The following GATM variants were observed in gnomAD, a reference collection of about 807,000 sequenced individuals.
The protein encoded by GATM is glycine amidinotransferase.
A neutral mutation model predicts 54.2 loss-of-function variants in GATM; 23 were observed. The observed-to-expected ratio is 0.42, with a 90% CI of 0.31 to 0.60. The LOEUF (loss-of-function observed/expected upper bound fraction) is 0.60, where lower values mean the gene tolerates loss of function less well. Ranked by LOEUF, GATM falls within the 20% of genes least tolerant of loss-of-function variation. The probability of loss-of-function intolerance (pLI) is 0.14; values close to 1 mark genes in which losing one functional copy is unlikely to be tolerated. For synonymous variants in GATM, 168 were observed against 183.1 expected, an observed-to-expected ratio of 0.92 and a Z score of 0.67; for missense variants, 401 against 544.9, an observed-to-expected ratio of 0.74 and a Z score of 2.63.
chr15:45,369,723 A>G, intron 2 of GATM: 1 of 586,158 alleles, frequency 1.7e-6, no homozygotes, highest in Non-Finnish European at 3.0e-6. Context: ...ACTCTAAAAC[A>G]TCTTGATATT....
In GATM at chr15:45,368,636, T is replaced by C. The variant is rs2140645571; in HGVS notation, c.485-376A>G. Among the ~76,000 whole-genome samples the C allele has an allele frequency of 6.6e-6, 1 of 151,746 alleles. No homozygotes were observed. The highest frequency in any genetic ancestry group is 1.5e-5 in the Non-Finnish European group (1 of 67,942). On this transcript the variant is annotated intron_variant, in intron 3 of 8. Coordinates refer to ENST00000396659, the MANE Select transcript of GATM (RefSeq NM_001482.3). This position sits in a 1 kb window ranked among gnomAD's most constrained non-coding sequence, Gnocchi z 5.1. The stretch of plus-strand genomic sequence containing the variant: ...CAAACAAACAAACAAAAAATGTCTA[T>C]ATAATATTACCTCTTTTTTTGGTTA...
chr15:45,368,181 T>G lies in GATM; in HGVS notation c.564A>C (p.Ser188=). 1 of 1,614,090 alleles carries G rather than the reference T, an allele frequency of 6.2e-7. No individual in the cohort carries two copies. The highest frequency in any genetic ancestry group is 1.7e-4 in the Middle Eastern group (1 of 6,038). The change falls in exon 4 of 9, where the codon TCA becomes TCC. Residue 188 remains serine (S), a synonymous_variant. Transcript: ENST00000396659. This position sits in a 1 kb window ranked among gnomAD's most constrained non-coding sequence, Gnocchi z 5.1. Reference sequence around the variant, plus strand: ...TGTACGCTCGGTACTCAAAGAAGCGTGAACGCCATGCCATGGGAGCCTCGA... The same window carrying G: ...TGTACGCTCGGTACTCAAAGAAGCGGGAACGCCATGCCATGGGAGCCTCGA... The part of the protein sequence containing the change: ...EIIEAPMAWR[S]RFFEYRAYRS...
chr15:45,369,177 C>A, intron 3 of GATM, 149 bp downstream of exon 3: 3 of 661,152 alleles, frequency 4.5e-6, no homozygotes, highest in Admixed American at 2.6e-5. Flanking sequence ...TCAACATGGA[C>A]CAAACCATTC....
upstream of GATM, chr15:45,379,554 T>C (rs1481904497): frequency 1.3e-5 from 2 of 152,160 alleles, no homozygotes; most frequent in South Asian, 2.1e-4. Context: ...GAATCACTTA[T>C]AGACTACTAT....
In GATM at chr15:45,378,379, A is replaced by G. The variant is rs1298480930; in HGVS notation, c.69+6T>C. On this transcript the variant is annotated splice_donor_region_variant and intron_variant, in intron 1 of 8. Coordinates refer to ENST00000396659, the MANE Select transcript of GATM (RefSeq NM_001482.3). The stretch of plus-strand genomic sequence containing the variant: ...GGCCGCCAGACGAGGCCGGTGGCGC[A>G]CGCACCCGAGATCCGATGTAGTGCA... 6.6e-7 allele frequency: 1 copy of G among 1,517,870 alleles called. No individual in the cohort carries two copies. Among genetic ancestry groups the G allele is most frequent in the Admixed American group, 2.0e-5 (1 of 49,494 alleles). 94.0% of individuals were successfully genotyped at this position (1,517,870 alleles called of 1,614,324 possible). A position where few individuals can be genotyped will look rare whatever the true frequency, so the allele number is the denominator to read the frequency against.
intron 2 of GATM, among the ~76,000 whole-genome samples, chr15:45,373,929 A>T (rs1889586144): frequency 6.6e-6 from 1 of 152,232 alleles, no homozygotes; most frequent in Admixed American, 6.5e-5. Flanking sequence ...GAATGAAATC[A>T]ATACTGCTAA....
intron 2 of GATM, among the ~76,000 whole-genome samples, chr15:45,370,624 GA>G (rs879338242): frequency 7.2e-5 from 11 of 151,790 alleles, no homozygotes; most frequent in Non-Finnish European, 1.5e-4. Flanking sequence ...TTTAATAACT[GA>G]AAAAAAATTT....
chr15:45,363,953 C>T lies in GATM; in HGVS notation c.1106G>A (p.Arg369His), dbSNP rs747557239. 39 of 1,613,586 alleles carry T rather than the reference C, an allele frequency of 2.4e-5. No homozygotes were observed. The highest frequency in any genetic ancestry group is 4.0e-5 in the African/African-American group (3 of 74,910). The stretch of plus-strand genomic sequence containing the variant: ...AACTTCATTGGCATCCACCATAACA[C>T]GTTTTTCATCTAGCATTAAGACATT... ...SMNVLMLDEKRVMVDANEVPI... is the reference protein window; with the variant it reads ...SMNVLMLDEKHVMVDANEVPI... The change falls in exon 8 of 9, where the codon CGT becomes CAT. Residue 369 changes from arginine (R) to histidine (H), a missense_variant. Around this residue, in one of 3 missense-constraint regions of GATM, gnomAD observed 321 missense variants for 457.5 expected, o/e 0.70. Transcript: ENST00000396659.
At chr15:45,364,759 A>G (rs762023851) in intron 7 of GATM, 38 bp downstream of exon 7, 1 of 1,561,094 alleles carries the variant, frequency 6.4e-7, no homozygotes, top group Non-Finnish European at 8.8e-7. Flanking sequence ...TCACTAAAGT[A>G]ATTATTTTAG....
At chr15:45,363,645 T>C (rs186609479) in intron 8 of GATM, 1 of 551,570 alleles carries the variant, frequency 1.8e-6, no homozygotes, top group East Asian at 3.0e-5. Flanking sequence ...ACCAAAACGT[T>C]GGCTAAGTCA....
In GATM at chr15:45,378,508, G is replaced by A. The variant is rs1010328318; in HGVS notation, c.-55C>T. 3.9e-6 allele frequency: 5 copies of A among 1,295,462 alleles called. No homozygotes were observed. Among genetic ancestry groups the A allele is most frequent in the African/African-American group, 3.1e-5 (2 of 64,116 alleles). 80.2% of individuals were successfully genotyped at this position (1,295,462 alleles called of 1,614,324 possible). On this transcript the variant is annotated 5_prime_UTR_variant, in exon 1 of 9. Coordinates refer to ENST00000396659, the MANE Select transcript of GATM (RefSeq NM_001482.3). Reference sequence around the variant, plus strand: ...ATGTTCCTGGCCTCTGGGCCGCGTCGGTCCAAGCCTTCCCGAGAGCGCGCC... The same window carrying A: ...ATGTTCCTGGCCTCTGGGCCGCGTCAGTCCAAGCCTTCCCGAGAGCGCGCC...
chr15:45,392,627 C>T (rs1236310866), intron 3 of GATM, among the ~76,000 whole-genome samples: 3 of 152,164 alleles, frequency 2.0e-5, no homozygotes, highest in Non-Finnish European at 4.4e-5. Context: ...TTATGTATCA[C>T]CAGGGATGTA....
intron 6 of GATM, among the ~76,000 whole-genome samples, chr15:45,365,350 C>A (rs530254571): frequency 6.6e-6 from 1 of 152,292 alleles, no homozygotes; most frequent in East Asian, 1.9e-4. Flanking sequence ...ACTTAGCCGT[C>A]CCTGTGTTCA....
In GATM at chr15:45,376,830, C is replaced by A; in HGVS notation, c.70-11G>T. 6.2e-7 allele frequency: 1 copy of A among 1,609,280 alleles called. No homozygotes were observed. The highest frequency in any genetic ancestry group is 8.5e-7 in the Non-Finnish European group (1 of 1,177,364). On this transcript the variant is annotated splice_polypyrimidine_tract_variant and intron_variant, in intron 1 of 8. Transcript: ENST00000396659. ...CAAGGTTCGTCCAAGCTTCCAAGAA[C>A]AAAGAAAAGATTATTGTATTGCATT...
At chr15:45,396,219 G>A (rs1464050122) in intron 3 of GATM, 2 of 152,038 alleles carry the variant, frequency 1.3e-5, no homozygotes, top group East Asian at 3.9e-4. Context: ...CTTGTTCCTG[G>A]AGCCTGGTCT....
chr15:45,372,105 A>T (rs1286130430), intron 2 of GATM, among the ~76,000 whole-genome samples: 6 of 152,242 alleles, frequency 3.9e-5, no homozygotes, highest in Non-Finnish European at 1.5e-5. Flanking sequence ...AAAAAGGTCC[A>T]TAGGCAAATT....
At chr15:45,377,353 A>AT (rs1889656703) in intron 1 of GATM, 1 of 423,160 alleles carries the variant, frequency 2.4e-6, no homozygotes, top group Admixed American at 3.0e-5. Context: ...TTCAAATCAA[A>AT]TTTTTTTCAT....
chr15:45,361,763 C>T lies in GATM; in HGVS notation c.*346G>A, dbSNP rs1889368401. 1 of 492,096 alleles carries T rather than the reference C, an allele frequency of 2.0e-6. No individual in the cohort carries two copies. Among genetic ancestry groups the T allele is most frequent in the East Asian group, 3.1e-5 (1 of 32,482 alleles). The allele number at this position is 492,096 out of a possible 1,614,324, so 30.5% of individuals were successfully genotyped here. On this transcript the variant is annotated 3_prime_UTR_variant, in exon 9 of 9. Transcript: ENST00000396659. ...GAAAAAAAATTAAGATTAGGACCAACATTTCAAGCTGCCTTTTGGAAAGAA... is the reference window on the plus strand; with the variant it reads ...GAAAAAAAATTAAGATTAGGACCAATATTTCAAGCTGCCTTTTGGAAAGAA...
chr15:45,398,485 C>G (rs1365547890), intron 2 of GATM, among the ~76,000 whole-genome samples: 2 of 152,118 alleles, frequency 1.3e-5, no homozygotes. Flanking sequence ...TAGAATTACT[C>G]TAAAGACTAA....
Sources: gnomAD v4.1 joint callset for allele counts (sites outside exome capture counted in the v4.1 genomes callset) on GRCh38, gnomAD v4.1.1 for gene constraint, gnomAD v4.1.1 regional missense constraint, Gnocchi (gnomAD v3.1) non-coding constraint, MANE v1.5 for transcripts, NCBI Gene and HGNC (gene_info 2026-07-23, HGNC 2026-07-21) for gene names.